NIN: variants seen among roughly 807,000 people sequenced by gnomAD.
The protein encoded by NIN is glycogen synthase kinase 3 beta-interacting protein.
Under a neutral mutation model 257.6 loss-of-function variants are expected in NIN, and 137 were observed. The observed-to-expected ratio is 0.53, with a 90% CI of 0.46 to 0.61. The LOEUF (loss-of-function observed/expected upper bound fraction) is 0.61, where lower values mean the gene tolerates loss of function less well. Ranked by LOEUF, NIN falls within the 20% of genes least tolerant of loss-of-function variation. The pLI, the probability that NIN is intolerant of heterozygous loss-of-function variation, is 0.00. For synonymous variants in NIN, 918 were observed against 919.8 expected (o/e 1.00, Z 0.04); for missense variants, 2,439 against 2,501.2 (o/e 0.98, Z 0.53).
rs771677668 is a variant in NIN at position 50,761,813 on chromosome 14, G to A, written c.1873C>T (p.Leu625Phe). ...KEQHHRDICCLRLELEDKVRH... is the reference protein window; with the variant it reads ...KEQHHRDICCFRLELEDKVRH... Reference sequence around the variant, plus strand: ...ACTTTATCTTCGAGCTCCAGTCTGAGGCAACATATGTCCCTGTGATGTTGT... The same window carrying A: ...ACTTTATCTTCGAGCTCCAGTCTGAAGCAACATATGTCCCTGTGATGTTGT... The change falls in exon 16 of 31, where the codon CTC becomes TTC. Residue 625 changes from leucine to phenylalanine, a missense_variant. This residue lies in a region of NIN where 2,043 missense variants were observed against 2,050.2 expected (regional missense o/e 1.00). Transcript: ENST00000530997. 1.2e-6 allele frequency: 2 copies of A among 1,614,162 alleles called. No individual in the cohort carries two copies. Among genetic ancestry groups the A allele is most frequent in the African/African-American group, 1.3e-5 (1 of 75,064 alleles).
At chr14:50,759,741 G>A (rs1207300159) in intron 17 of NIN, 116 bp downstream of exon 17, 12 of 1,073,306 alleles carry the variant, frequency 1.1e-5, no homozygotes, top group East Asian at 7.2e-5. Context: ...CGCCCACCTC[G>A]GCCTCCCAGA....
intron 17 of NIN, 115 bp downstream of exon 17, chr14:50,759,742 G>C: frequency 9.2e-7 from 1 of 1,088,202 alleles, no homozygotes; most frequent in Non-Finnish European, 1.3e-6. Flanking sequence ...GCCCACCTCG[G>C]CCTCCCAGAG....
chr14:50,800,007 T>TACATACAC (rs1555390739), intron 4 of NIN, among the ~76,000 whole-genome samples: 9 of 148,152 alleles, frequency 6.1e-5, no homozygotes, highest in African/African-American at 2.3e-4. Context: ...TATATACACA[T>TACATACAC]ACACACACAC....
At chr14:50,729,768 C>T in intron 28 of NIN, 45 bp from the exon 29 acceptor site, 2 of 1,423,774 alleles carry the variant, frequency 1.4e-6, no homozygotes, top group Non-Finnish European at 1.9e-6. Flanking sequence ...TCCCTTCAAT[C>T]CCAGAGCTGC....
At chr14:50,731,628 G>A (rs1325796094) in intron 28 of NIN, among the ~76,000 whole-genome samples, 4 of 151,896 alleles carry the variant, frequency 2.6e-5, no homozygotes, top group African/African-American at 9.7e-5. Flanking sequence ...GAGGTCAGGA[G>A]ATCAAGACCA....
rs2141794079 is a variant in NIN at position 50,770,421 on chromosome 14, G to C, written c.1401C>G (p.Asn467Lys). 1 of 1,614,224 alleles carries C rather than the reference G, an allele frequency of 6.2e-7. No individual in the cohort carries two copies. The highest frequency in any genetic ancestry group is 8.5e-7 in the Non-Finnish European group (1 of 1,180,040). The change falls in exon 12 of 31, where the codon AAC becomes AAG. Residue 467 changes from asparagine (N) to lysine (K), a missense_variant. Asn to Lys is a moderately conservative substitution (Grantham distance 94). Around this residue, in one of 3 missense-constraint regions of NIN, gnomAD observed 2,043 missense variants for 2,050.2 expected, o/e 1.00. Transcript: ENST00000530997. ...AGAGGGCAAGGCGGTCCCGGATATAGTTCTCTTCTGTTTTTGCCTTTTCAA... is the reference window on the plus strand; with the variant it reads ...AGAGGGCAAGGCGGTCCCGGATATACTTCTCTTCTGTTTTTGCCTTTTCAA... ...QEIEKAKTEENYIRDRLALSL... is the reference protein window; with the variant it reads ...QEIEKAKTEEKYIRDRLALSL...
intron 23 of NIN, among the ~76,000 whole-genome samples, chr14:50,743,875 A>AG (rs2041410339): frequency 6.6e-6 from 1 of 152,198 alleles, no homozygotes; most frequent in Admixed American, 6.5e-5. Context: ...TGGGGAAAAA[A>AG]GGTGGTGTTT....
intron 22 of NIN, 26 bp downstream of exon 22, chr14:50,747,966 C>T (rs182338288): frequency 2.0e-6 from 3 of 1,464,310 alleles, no homozygotes; most frequent in East Asian, 2.3e-5. Flanking sequence ...GTTCTGTGAA[C>T]CCCCCTTAGC....
rs528150500 is a variant in NIN at position 50,753,830 on chromosome 14, A to T, written c.4734+733T>A. On this transcript the variant is annotated intron_variant, in intron 20 of 30. Transcript: ENST00000530997. ...TCAATAGGTTAAAAAAAAGACGCTT[A>T]TTGAATTTGCACTTCTCTAATCACT... 2.0e-5 allele frequency among the ~76,000 whole-genome samples: 3 copies of T among 152,136 alleles called. No homozygotes were observed. The East Asian group carries it at 5.8e-4, about 29-fold the overall frequency.
rs1471875562 is a variant in NIN, at chr14:50,776,811, T to C, written c.666+138A>G. 6.7e-6 allele frequency: 5 copies of C among 749,820 alleles called. No homozygotes were observed. The Admixed American group carries it at 8.9e-5, about 13-fold the overall frequency. The allele number at this position is 749,820 out of a possible 1,614,324, so 46.4% of individuals were successfully genotyped here. On this transcript the variant is annotated intron_variant, in intron 7 of 30. Transcript: ENST00000530997. ...CAACAAGAGCTCCTCAGTGACAGAA[T>C]CTTCATGAATGACTTCTTAGGAAAA... is the stretch of plus-strand genomic sequence containing the variant.
At position 50,739,284 on chromosome 14, in the gene NIN, A is replaced by G. The variant is rs370993802; in HGVS notation, c.5628+24T>C. 2.6e-4 allele frequency: 420 copies of G among 1,609,984 alleles called. 2 individuals carry two copies. In the African/African-American group the frequency reaches 5.1e-3, roughly 19 times the overall value. ...AACTAGTCATTTTCAAACATATGCC[A>G]TGATGTGCAGCTTCTCCAATTACCT... On this transcript the variant is annotated intron_variant, in intron 26 of 30. Transcript: ENST00000530997.
At chr14:50,743,574 CAT>C (rs770843570) in intron 23 of NIN, 45 bp from the exon 24 acceptor site, 6 of 1,139,974 alleles carry the variant, frequency 5.3e-6, no homozygotes, top group African/African-American at 1.5e-5. Flanking sequence ...TTTTTGCAAA[CAT>C]AGCTAGCCTT....
intron 12 of NIN, among the ~76,000 whole-genome samples, chr14:50,767,588 T>C (rs552955187): frequency 0.01 from 1,551 of 152,120 alleles, 25 homozygotes; most frequent in African/African-American, 0.035. Context: ...GAGGCCAAGG[T>C]GGGCGGATCA....
At position 50,778,772 on chromosome 14, in the gene NIN, T is replaced by C. The variant is rs1261226106; in HGVS notation, c.468A>G (p.Glu156=). 5 of 1,614,082 alleles carry C rather than the reference T, an allele frequency of 3.1e-6. No homozygotes were observed. Among genetic ancestry groups the C allele is most frequent in the Non-Finnish European group, 4.2e-6 (5 of 1,179,988 alleles). Reference sequence around the variant, plus strand: ...GACACACTCGGCTCTTACCTTCCGCTTCATACTCCTCACTGCGTTGCGTCT... The same window carrying C: ...GACACACTCGGCTCTTACCTTCCGCCTCATACTCCTCACTGCGTTGCGTCT... ...HWKTQRSEEY[E]AEGQLRFWNP... is the part of the protein sequence containing the mutation. The change falls in exon 6 of 31, where the codon GAA becomes GAG. Residue 156 remains glutamate, a synonymous_variant. Transcript: ENST00000530997.
In NIN at chr14:50,758,500, G is replaced by T; in HGVS notation, c.2530C>A (p.Leu844Met). The change falls in exon 18 of 31, where the codon CTG (leucine) becomes ATG (methionine). Residue 844 changes from leucine to methionine, a missense_variant. By Grantham distance (15) the Leu-to-Met change is conservative. This residue lies in a region of NIN where 2,043 missense variants were observed against 2,050.2 expected (regional missense o/e 1.00). Coordinates refer to ENST00000530997, the MANE Select transcript of NIN (RefSeq NM_020921.4). ...QSLEGRYRQE[L>M]KDLQEQQREE... ...CGCTGCTGTTCCTGGAGGTCCTTCAGCTCTTGGCGGTAGCGCCCCTCCAGG... is the reference window on the plus strand; with the variant it reads ...CGCTGCTGTTCCTGGAGGTCCTTCATCTCTTGGCGGTAGCGCCCCTCCAGG... 6.2e-7 allele frequency: 1 copy of T among 1,614,214 alleles called. No homozygotes were observed. Among genetic ancestry groups the T allele is most frequent in the East Asian group, 2.2e-5 (1 of 44,880 alleles).
intron 21 of NIN, 74 bp from the exon 22 acceptor site, chr14:50,748,179 G>A (rs1482323915): frequency 3.2e-6 from 3 of 923,278 alleles, no homozygotes; most frequent in East Asian, 5.0e-5. Flanking sequence ...GTTCATAAAA[G>A]GCCATATTAA....
At chr14:50,769,810 A>C (rs1445686226) in intron 12 of NIN, among the ~76,000 whole-genome samples, 1 of 151,902 alleles carries the variant, frequency 6.6e-6, no homozygotes, top group Admixed American at 6.6e-5. Flanking sequence ...GAGCATAATA[A>C]CATGAGCCTA....
chr14:50,755,311 C>T (rs2041971158), intron 18 of NIN, among the ~76,000 whole-genome samples: 1 of 152,066 alleles, frequency 6.6e-6, no homozygotes, highest in South Asian at 2.1e-4. Context: ...AATCAAAGGG[C>T]CACAATGAAA....
At position 50,754,883 on chromosome 14, in the gene NIN, T is replaced by A. The variant is rs1595778089; in HGVS notation, c.4539-16A>T. 6.5e-7 allele frequency: 1 copy of A among 1,530,286 alleles called. No homozygotes were observed. Among genetic ancestry groups the A allele is most frequent in the Non-Finnish European group, 8.8e-7 (1 of 1,140,396 alleles). The allele number at this position is 1,530,286 out of a possible 1,614,324, so 94.8% of individuals were successfully genotyped here. On this transcript the variant is annotated splice_polypyrimidine_tract_variant and intron_variant, in intron 18 of 30. Coordinates refer to ENST00000530997, the MANE Select transcript of NIN (RefSeq NM_020921.4). ...AGATTCATATCTGAAGCACAGAGATTGAAAAAAATTGTTACAAGGCAGTCA... is the reference window on the plus strand; with the variant it reads ...AGATTCATATCTGAAGCACAGAGATAGAAAAAAATTGTTACAAGGCAGTCA...
Sources: gnomAD v4.1 joint callset for allele counts (sites outside exome capture counted in the v4.1 genomes callset) on GRCh38, gnomAD v4.1.1 for gene constraint, gnomAD v4.1.1 regional missense constraint, MANE v1.5 for transcripts, NCBI Gene and HGNC (gene_info 2026-07-23, HGNC 2026-07-21) for gene names.